Variants in NUDT4 observed in about 807,000 individuals in gnomAD.
NUDT4 encodes nudix hydrolase 4.
NUDT4 carries 5 observed loss-of-function variants against 23.1 expected under a neutral mutation model. The ratio of observed to expected loss-of-function variants is 0.22; its 90% CI spans 0.11 to 0.46. NUDT4 has a LOEUF of 0.46. Among genes scored for constraint, NUDT4 ranks in the 20% least tolerant of loss-of-function variants. The pLI is 0.99. For missense variants in NUDT4, 96 were observed against 211.6 expected, an observed-to-expected ratio of 0.45 and a Z score of 3.39; for synonymous variants, 50 against 79.0, an observed-to-expected ratio of 0.63 and a Z score of 1.95.
intron 1 of NUDT4, among the ~76,000 whole-genome samples, chr12:93,392,072 T>TG (rs1386597034): frequency 2.0e-5 from 3 of 151,712 alleles, no homozygotes; most frequent in African/African-American, 7.3e-5. Flanking sequence ...TTAGTAGAGA[T>TG]AGGGTTTCAC....
chr12:93,391,114 G>A (rs1876465401), intron 1 of NUDT4, among the ~76,000 whole-genome samples: 1 of 151,994 alleles, frequency 6.6e-6, no homozygotes, highest in African/African-American at 2.4e-5. Context: ...GAGGGAGCAG[G>A]GCAGATAGAA....
At position 93,378,340 on chromosome 12, in the gene NUDT4, C is replaced by T. The variant is rs1875353494; in HGVS notation, c.18C>T (p.Pro6=). The T allele has an allele frequency of 2.0e-6, 3 of 1,501,946 alleles. No individual in the cohort carries two copies. The East Asian group carries it at 7.6e-5, about 38-fold the overall frequency. 93.0% of individuals were successfully genotyped at this position (1,501,946 alleles called of 1,614,324 possible). ...CCGCCTCTATGATGAAGTTCAAGCC[C>T]AACCAGACGCGGACCTACGACCGCG... MMKFK[P]NQTRTYDREG... The change falls in exon 1 of 5, where the codon CCC becomes CCT. Residue 6 remains proline (P), a synonymous_variant. Coordinates refer to ENST00000415493, the MANE Select transcript of NUDT4 (RefSeq NM_019094.6).
intron 1 of NUDT4, among the ~76,000 whole-genome samples, chr12:93,384,105 T>G (rs185794272): frequency 6.6e-6 from 1 of 152,102 alleles, no homozygotes; most frequent in Admixed American, 6.6e-5. Flanking sequence ...AACAGCACCC[T>G]TTTATACATC....
At chr12:93,385,940 T>C (rs1230056665) in intron 1 of NUDT4, among the ~76,000 whole-genome samples, 1 of 72,222 alleles carries the variant, frequency 1.4e-5, no homozygotes, top group Non-Finnish European at 2.5e-5. Flanking sequence ...AGTAAATCTT[T>C]TTATATATAT....
chr12:93,399,109 G>A (rs1056864650), intron 4 of NUDT4, 68 bp from the exon 5 acceptor site: 1 of 1,115,036 alleles, frequency 9.0e-7, no homozygotes, highest in Admixed American at 1.7e-5. Flanking sequence ...GGGAGTAAGT[G>A]GACATTACTT....
intron 1 of NUDT4, among the ~76,000 whole-genome samples, chr12:93,379,505 T>G (rs922711381): frequency 6.6e-6 from 1 of 152,254 alleles, no homozygotes; most frequent in Admixed American, 6.5e-5. Context: ...TGACACAGAA[T>G]ACACTCAGTG....
intron 1 of NUDT4, among the ~76,000 whole-genome samples, chr12:93,388,195 C>G (rs1166472392): frequency 6.6e-6 from 1 of 152,160 alleles, no homozygotes; most frequent in Non-Finnish European, 1.5e-5. Context: ...AGTTATTGGT[C>G]TGACCAAATT....
rs1286329483 is a variant in NUDT4, at chr12:93,405,327, TTAAAAA to T, written c.*5954_*5959del. 4.0e-5 allele frequency: 6 copies of T among 149,626 alleles called. No homozygotes were observed. The highest frequency in any genetic ancestry group is 6.0e-5 in the Non-Finnish European group (4 of 66,590). 9.3% of individuals were successfully genotyped at this position (149,626 alleles called of 1,614,324 possible). A position where few individuals can be genotyped will look rare whatever the true frequency, so the allele number is the denominator to read the frequency against. On this transcript the variant is annotated 3_prime_UTR_variant, in exon 5 of 5. Coordinates refer to ENST00000415493, the MANE Select transcript of NUDT4 (RefSeq NM_019094.6). ...ATATGGTAAGATGGATCAGGAGTCT[TTAAAAA>T]TAAAACTGAGAAAGAAAAATCATGT...
intron 2 of NUDT4, 114 bp from the exon 3 acceptor site, chr12:93,395,375 G>T: frequency 1.3e-6 from 1 of 747,190 alleles, no homozygotes; most frequent in South Asian, 1.5e-5. Context: ...GAGTTGGTAT[G>T]GGGAGGGGTA....
At chr12:93,398,053 A>G (rs889174589) in intron 3 of NUDT4, among the ~76,000 whole-genome samples, 7 of 152,068 alleles carry the variant, frequency 4.6e-5, no homozygotes, top group African/African-American at 1.2e-4. Context: ...TGAAAATAAC[A>G]TCAGATAGGC....
At chr12:93,382,264 CAAAA>C (rs61019568) in intron 1 of NUDT4, among the ~76,000 whole-genome samples, 4,292 of 113,448 alleles carry the variant, frequency 0.038, 112 homozygotes, top group African/African-American at 0.094. Flanking sequence ...ACCCTGCCTG[CAAAA>C]AAAAAAAAAA....
chr12:93,378,462 G>T, intron 1 of NUDT4, 41 bp downstream of exon 1: 1 of 1,512,264 alleles, frequency 6.6e-7, no homozygotes, highest in Non-Finnish European at 8.9e-7. Flanking sequence ...CGGGGCGCCG[G>T]GGTCTAGGGC....
At position 93,399,833 on chromosome 12, in the gene NUDT4, C is replaced by T. The variant is rs1429713376; in HGVS notation, c.*454C>T. The T allele has an allele frequency of 1.3e-5, 2 of 157,234 alleles. No individual in the cohort carries two copies. The highest frequency in any genetic ancestry group is 4.8e-5 in the African/African-American group (2 of 41,856). 9.7% of individuals were successfully genotyped at this position (157,234 alleles called of 1,614,324 possible). A position where few individuals can be genotyped will look rare whatever the true frequency, so the allele number is the denominator to read the frequency against. ...TATTGGTATTAAAGAAATCCATTCA[C>T]CCCAAAACTTGTTTTACAGGATTAC... On this transcript the variant is annotated 3_prime_UTR_variant, in exon 5 of 5. Coordinates refer to ENST00000415493, the MANE Select transcript of NUDT4 (RefSeq NM_019094.6).
At chr12:93,396,787 C>A (rs889821045) in intron 3 of NUDT4, among the ~76,000 whole-genome samples, 2 of 152,148 alleles carry the variant, frequency 1.3e-5, no homozygotes, top group African/African-American at 4.8e-5. Context: ...GTGACGCACG[C>A]CTGTAGTCCC....
chr12:93,390,535 T>A (rs1249358847), intron 1 of NUDT4, among the ~76,000 whole-genome samples: 1 of 152,170 alleles, frequency 6.6e-6, no homozygotes, highest in Admixed American at 6.5e-5. Context: ...TTGCATGCAC[T>A]TTTGGATTTT....
chr12:93,385,378 C>T (rs922576790), intron 1 of NUDT4, among the ~76,000 whole-genome samples: 15 of 152,160 alleles, frequency 9.9e-5, no homozygotes, highest in African/African-American at 3.6e-4. Context: ...GCCTCCTTTT[C>T]GTAAATCTTT....
At chr12:93,392,374 G>A (rs1876603940) in intron 1 of NUDT4, among the ~76,000 whole-genome samples, 1 of 148,672 alleles carries the variant, frequency 6.7e-6, no homozygotes, top group Non-Finnish European at 1.5e-5. Flanking sequence ...TCCTGCCACA[G>A]CCTCCTAAGT....
At chr12:93,379,987 C>T (rs762187048) in intron 1 of NUDT4, among the ~76,000 whole-genome samples, 2 of 152,178 alleles carry the variant, frequency 1.3e-5, no homozygotes, top group South Asian at 2.1e-4. Context: ...ACTTGTTATA[C>T]ATTTAATCCT....
chr12:93,396,888 C>A (rs1025847752), intron 3 of NUDT4, among the ~76,000 whole-genome samples: 1 of 152,086 alleles, frequency 6.6e-6, no homozygotes, highest in African/African-American at 2.4e-5. Flanking sequence ...AGAGAAAAGT[C>A]GTTCAAGTAG....
Sources: allele counts gnomAD v4.1 joint callset (sites outside exome capture counted in the v4.1 genomes callset), GRCh38; gene constraint gnomAD v4.1.1; transcripts MANE v1.5; gene names NCBI Gene and HGNC (gene_info 2026-07-23, HGNC 2026-07-21).